Variants in ABAT observed in about 807,000 individuals in gnomAD.
ABAT encodes 4-aminobutyrate aminotransferase, also known as 4-aminobutyrate aminotransferase, mitochondrial.
ABAT carries 45 observed loss-of-function variants against 64.6 expected under a neutral mutation model. The ratio of observed to expected loss-of-function variants is 0.70; its 90% CI spans 0.55 to 0.89. The LOEUF (loss-of-function observed/expected upper bound fraction) is 0.89. Among genes scored for constraint, ABAT ranks in the 40% least tolerant of loss-of-function variants. ABAT has a pLI of 0.00. For synonymous variants in ABAT, 297 were observed against 250.5 expected, an observed-to-expected ratio of 1.19 and a Z score of -1.75; for missense variants, 633 against 658.4, an observed-to-expected ratio of 0.96 and a Z score of 0.42.
At chr16:8,762,976 G>A (rs922059041) in intron 6 of ABAT, among the ~76,000 whole-genome samples, 3 of 151,912 alleles carry the variant, frequency 2.0e-5, no homozygotes, top group African/African-American at 7.3e-5. Flanking sequence ...GGGTGCGGTG[G>A]CATGTGCCTG....
rs575615147 is a variant in ABAT at position 8,688,802 on chromosome 16, G to A, written c.-42+14091G>A. Among the ~76,000 whole-genome samples the A allele has an allele frequency of 2.6e-5, 4 of 152,338 alleles. No individual in the cohort carries two copies. In the East Asian group the frequency reaches 7.7e-4, roughly 29 times the overall value. ...TGTCCTACTTAAGAAGTCCAGCTGG[G>A]CATGGTATCTCACACCTGTAATCCC... On this transcript the variant is annotated intron_variant, in intron 1 of 15. Transcript: ENST00000268251.
chr16:8,764,752 G>A lies in ABAT; in HGVS notation c.462G>A (p.Gly154=). 1 of 1,614,126 alleles carries A rather than the reference G, an allele frequency of 6.2e-7. No individual in the cohort carries two copies. Among genetic ancestry groups the A allele is most frequent in the Non-Finnish European group, 8.5e-7 (1 of 1,180,014 alleles). The part of the protein sequence containing the change: ...RQSLLSVAPK[G]MSQLITMACG... ...CCTCCCCACAGGTGGCTCCCAAAGG[G>A]ATGTCCCAGCTCATCACCATGGCCT... Residue 154 remains glycine, a synonymous_variant, in exon 8 of 16, where the codon GGG becomes GGA. Coordinates refer to ENST00000268251, the MANE Select transcript of ABAT (RefSeq NM_020686.6). This position sits in a 1 kb window ranked among gnomAD's most constrained non-coding sequence, Gnocchi z 4.2.
At chr16:8,750,662 C>A in intron 5 of ABAT, 123 bp downstream of exon 5, 1 of 866,304 alleles carries the variant, frequency 1.2e-6, no homozygotes, top group Non-Finnish European at 2.0e-6. Flanking sequence ...TGACACTTCA[C>A]CCAAGGGTAG....
chr16:8,716,895 G>A (rs572184283), intron 1 of ABAT, among the ~76,000 whole-genome samples: 3 of 152,226 alleles, frequency 2.0e-5, no homozygotes, highest in Non-Finnish European at 4.4e-5. Flanking sequence ...CATCTGAGAC[G>A]TGGCTATTCT....
chr16:8,781,426 A>G lies in ABAT; in HGVS notation c.1499A>G (p.Lys500Arg). 6.2e-7 allele frequency: 1 copy of G among 1,614,204 alleles called. No homozygotes were observed. The highest frequency in any genetic ancestry group is 1.1e-5 in the South Asian group (1 of 91,088). ...TTCAGTGACATCTTAGCAGACTTCAAGTAAAGAAGCCATTTCCACTACAGT... is the reference window on the plus strand; with the variant it reads ...TTCAGTGACATCTTAGCAGACTTCAGGTAAAGAAGCCATTTCCACTACAGT... ...NIFSDILADF[K>R] The change falls in exon 16 of 16, where the codon AAG (lysine) becomes AGG (arginine). Residue 500 changes from lysine to arginine, a missense_variant. By Grantham distance (26) the Lys-to-Arg change is conservative. Coordinates refer to ENST00000268251, the MANE Select transcript of ABAT (RefSeq NM_020686.6). This position sits in a 1 kb window ranked among gnomAD's most constrained non-coding sequence, Gnocchi z 4.5.
chr16:8,781,933 AT>A lies in ABAT; in HGVS notation c.*504del. 3.3e-6 allele frequency: 1 copy of A among 298,880 alleles called. No individual in the cohort carries two copies. Among genetic ancestry groups the A allele is most frequent in the Non-Finnish European group, 6.5e-6 (1 of 153,044 alleles). The allele number at this position is 298,880 out of a possible 1,614,324, so 18.5% of individuals were successfully genotyped here. A position where few individuals can be genotyped will look rare whatever the true frequency, so the allele number is the denominator to read the frequency against. On this transcript the variant is annotated 3_prime_UTR_variant, in exon 16 of 16. Coordinates refer to ENST00000268251, the MANE Select transcript of ABAT (RefSeq NM_020686.6). This position sits in a 1 kb window ranked among gnomAD's most constrained non-coding sequence, Gnocchi z 4.5. The stretch of plus-strand genomic sequence containing the variant: ...CCGGAGCTCTGAGCACGCCCCACGC[AT>A]GGTGCAGGAGGGACTGGACAGATCT...
chr16:8,678,499 C>T lies in ABAT; in HGVS notation c.-42+3788C>T, dbSNP rs117766956. ...AAAGGTTAAAAGACTTGTCTAAGAC[C>T]ATCACCCGCTTCTCCACCAGGCATC... On this transcript the variant is annotated intron_variant, in intron 1 of 15. Transcript: ENST00000268251. Among the ~76,000 whole-genome samples the T allele has an allele frequency of 6.9e-4, 105 of 152,338 alleles. 1 individual carries two copies. The East Asian group carries it at 0.018, about 27-fold the overall frequency.
chr16:8,743,446 C>T lies in ABAT; in HGVS notation c.71-2555C>T, dbSNP rs868371177. On this transcript the variant is annotated intron_variant, in intron 2 of 15. Coordinates refer to ENST00000268251, the MANE Select transcript of ABAT (RefSeq NM_020686.6). ...AGTTATATATATATATATATATATA[C>T]ACACATTTTATAATATATTATATAA... Among the ~76,000 whole-genome samples the T allele has an allele frequency of 9.9e-3, 650 of 65,504 alleles. 25 individuals are homozygous for T. The highest frequency in any genetic ancestry group is 0.066 in the African/African-American group (606 of 9,178). The allele number at this position is 65,504 out of a possible 152,430, so 43.0% of individuals were successfully genotyped here.
At position 8,743,423 on chromosome 16, in the gene ABAT, T is replaced by TTATATA. The variant is rs1182574273; in HGVS notation, c.71-2561_71-2556dup. Among the ~76,000 whole-genome samples, 293 of 45,268 alleles carry TTATATA rather than the reference T, an allele frequency of 6.5e-3. 13 individuals are homozygous for TTATATA. The highest frequency in any genetic ancestry group is 0.012 in the Middle Eastern group (1 of 84). The allele number at this position is 45,268 out of a possible 152,430, so 29.7% of individuals were successfully genotyped here. A position where few individuals can be genotyped will look rare whatever the true frequency, so the allele number is the denominator to read the frequency against. ...GTCCCCTCTTGTGTAATGGAAACAG[T>TTATATA]TATATATATATATATATATATACAC... is the stretch of plus-strand genomic sequence containing the variant. On this transcript the variant is annotated intron_variant, in intron 2 of 15. Coordinates refer to ENST00000268251, the MANE Select transcript of ABAT (RefSeq NM_020686.6).
At chr16:8,682,512 C>T (rs2057359190) in intron 1 of ABAT, among the ~76,000 whole-genome samples, 1 of 152,102 alleles carries the variant, frequency 6.6e-6, no homozygotes, top group Admixed American at 6.6e-5. Flanking sequence ...GATTGATGCC[C>T]CTGCCCACCA....
chr16:8,747,023 GC>G (rs2059352323), intron 3 of ABAT, among the ~76,000 whole-genome samples: 1 of 152,178 alleles, frequency 6.6e-6, no homozygotes, highest in South Asian at 2.1e-4. Flanking sequence ...GCTAGATGGG[GC>G]TTGTCCTCAT....
chr16:8,735,863 A>T (rs2058911360), intron 2 of ABAT, 54 bp downstream of exon 2: 3 of 1,477,158 alleles, frequency 2.0e-6, no homozygotes, highest in Non-Finnish European at 2.8e-6. Flanking sequence ...TACCATCCAG[A>T]CTAGGGATTC....
chr16:8,689,380 G>C (rs1396021237), intron 1 of ABAT, among the ~76,000 whole-genome samples: 1 of 152,188 alleles, frequency 6.6e-6, no homozygotes, highest in Non-Finnish European at 1.5e-5. Context: ...CTTGACTGCT[G>C]TAGCCTTAGA....
chr16:8,768,147 C>T (rs373385788), intron 9 of ABAT, 46 bp from the exon 10 acceptor site: 2 of 1,581,554 alleles, frequency 1.3e-6, no homozygotes, highest in Non-Finnish European at 1.7e-6. Flanking sequence ...ATACAGTTCC[C>T]CCATCCTTAC....
chr16:8,736,629 C>G (rs774680513), intron 2 of ABAT: 14 of 152,470 alleles, frequency 9.2e-5, no homozygotes, highest in African/African-American at 1.4e-4. Flanking sequence ...CACCCCCACT[C>G]TGCCCCACAC....
In ABAT at chr16:8,772,836, C is replaced by T. The variant is rs775338476; in HGVS notation, c.873C>T (p.Ile291=). ...AGAAGAAGACGGTGGCCGGGATCAT[C>T]GTGGAGCCCATCCAGTCCGAGGGTG... The part of the protein sequence containing the change: ...RKKKKTVAGI[I]VEPIQSEGGD... The change falls in exon 12 of 16, where the codon ATC becomes ATT. Residue 291 remains isoleucine, a synonymous_variant. Transcript: ENST00000268251. 42 of 1,613,970 alleles carry T rather than the reference C, an allele frequency of 2.6e-5. No individual in the cohort carries two copies. The highest frequency in any genetic ancestry group is 3.1e-5 in the Non-Finnish European group (36 of 1,180,018).
In ABAT at chr16:8,781,317, T is replaced by A. The variant is rs1484494909; in HGVS notation, c.1390T>A (p.Leu464Met). The A allele has an allele frequency of 1.2e-6, 2 of 1,613,954 alleles. No individual in the cohort carries two copies. The highest frequency in any genetic ancestry group is 2.2e-5 in the East Asian group (1 of 44,886). Residue 464 changes from leucine (L) to methionine (M), a missense_variant, in exon 16 of 16, where the codon TTG (leucine) becomes ATG (methionine). Transcript: ENST00000268251. This position sits in a 1 kb window ranked among gnomAD's most constrained non-coding sequence, Gnocchi z 4.5. ...ILIARNKGVVLGGCGDKSIRF... is the reference protein window; with the variant it reads ...ILIARNKGVVMGGCGDKSIRF... ...CCTCCTGCCTCTTTCAGGTGTGGTG[T>A]TGGGTGGCTGTGGTGACAAATCCAT...
intron 1 of ABAT, among the ~76,000 whole-genome samples, chr16:8,693,467 A>C (rs2057631704): frequency 1.3e-5 from 2 of 152,016 alleles, no homozygotes; most frequent in Non-Finnish European, 2.9e-5. Flanking sequence ...AGGTCTTTTT[A>C]TTTTTAGTTT....
At chr16:8,736,825 C>T (rs1176833234) in intron 2 of ABAT, 1 of 152,262 alleles carries the variant, frequency 6.6e-6, no homozygotes, top group African/African-American at 2.4e-5. Flanking sequence ...CTGTCCGGCT[C>T]CAATGCTAAC....
Sources: gnomAD v4.1 joint callset for allele counts (sites outside exome capture counted in the v4.1 genomes callset) on GRCh38, gnomAD v4.1.1 for gene constraint, Gnocchi (gnomAD v3.1) non-coding constraint, MANE v1.5 for transcripts, NCBI Gene and HGNC (gene_info 2026-07-23, HGNC 2026-07-21) for gene names.